AK5: variants seen among roughly 807,000 people sequenced by gnomAD.
AK5 encodes the protein adenylate kinase 5.
AK5 carries 27 observed loss-of-function variants against 69.5 expected under a neutral mutation model. That is an observed-to-expected ratio of 0.39 (90% confidence interval 0.29 to 0.54). The LOEUF (loss-of-function observed/expected upper bound fraction) is 0.54, where lower values mean the gene tolerates loss of function less well. Ranked by LOEUF, AK5 falls within the 20% of genes least tolerant of loss-of-function variation. AK5 has a pLI of 0.71. For synonymous variants in AK5, 260 were observed against 244.4 expected, an observed-to-expected ratio of 1.06 and a Z score of -0.60; for missense variants, 531 against 700.4, an observed-to-expected ratio of 0.76 and a Z score of 2.73.
chr1:77,296,574 C>G (rs1312348303), intron 3 of AK5, among the ~76,000 whole-genome samples: 1 of 151,870 alleles, frequency 6.6e-6, no homozygotes, highest in Admixed American at 6.6e-5. Context: ...TGTATAATCT[C>G]TTAGTTTGGT....
chr1:77,524,809 A>G (rs1157636416), intron 12 of AK5, among the ~76,000 whole-genome samples: 1 of 119,580 alleles, frequency 8.4e-6, no homozygotes, highest in African/African-American at 4.5e-5. Flanking sequence ...ACAAGAAGTT[A>G]TTACCTAATC....
chr1:77,289,757 G>A lies in AK5; in HGVS notation c.247+2630G>A, dbSNP rs191126108. 9.0e-4 allele frequency among the ~76,000 whole-genome samples: 137 copies of A among 151,614 alleles called. 2 individuals are homozygous for A. Among genetic ancestry groups the A allele is most frequent in the Admixed American group, 6.4e-3 (97 of 15,232 alleles). ...GTACACCTGTAGTCCCAGCTACTCG[G>A]GAGGCTGAGGCAGGAGAATGGGGTG... On this transcript the variant is annotated intron_variant, in intron 2 of 13. Coordinates refer to ENST00000354567, the MANE Select transcript of AK5 (RefSeq NM_174858.3).
intron 8 of AK5, among the ~76,000 whole-genome samples, chr1:77,446,957 A>C (rs1652791624): frequency 6.6e-6 from 1 of 152,226 alleles, no homozygotes; most frequent in South Asian, 2.1e-4. Flanking sequence ...GGAGCCGGGA[A>C]GCTGGAATGG....
rs1368161399 is a variant in AK5, at chr1:77,367,553, A to T, written c.891+26985A>T. The stretch of plus-strand genomic sequence containing the variant: ...TATGTTGCCCAGACTCATTTATGTT[A>T]TTTTTATATATATATATATATATAT... On this transcript the variant is annotated intron_variant, in intron 6 of 13. Transcript: ENST00000354567. Among the ~76,000 whole-genome samples the T allele has an allele frequency of 1.8e-3, 12 of 6,792 alleles. 1 individual carries two copies. The highest frequency in any genetic ancestry group is 0.25 in the Middle Eastern group (1 of 4). 4.5% of individuals were successfully genotyped at this position (6,792 alleles called of 152,430 possible). A position where few individuals can be genotyped will look rare whatever the true frequency, so the allele number is the denominator to read the frequency against.
chr1:77,326,107 G>A (rs560100468), intron 5 of AK5, among the ~76,000 whole-genome samples: 2 of 152,060 alleles, frequency 1.3e-5, no homozygotes, highest in Non-Finnish European at 2.9e-5. Context: ...TCAAATATTG[G>A]CTGATGATAT....
intron 13 of AK5, among the ~76,000 whole-genome samples, chr1:77,546,967 A>G (rs1264420653): frequency 6.6e-6 from 1 of 152,220 alleles, no homozygotes; most frequent in African/African-American, 2.4e-5. Context: ...GCTGGCCCAG[A>G]TGAAGTGCCA....
intron 5 of AK5, among the ~76,000 whole-genome samples, chr1:77,328,996 G>A (rs1660951398): frequency 6.6e-6 from 1 of 152,098 alleles, no homozygotes; most frequent in Non-Finnish European, 1.5e-5. Flanking sequence ...AAAGGGGGCT[G>A]AACTCCCACT....
chr1:77,315,425 A>G (rs1451239880), intron 5 of AK5, among the ~76,000 whole-genome samples: 7 of 152,170 alleles, frequency 4.6e-5, no homozygotes, highest in Admixed American at 6.5e-5. Flanking sequence ...GAAATAACCA[A>G]TAATTTTAGC....
intron 10 of AK5, among the ~76,000 whole-genome samples, chr1:77,516,861 G>A (rs1570294784): frequency 6.6e-6 from 1 of 152,114 alleles, no homozygotes; most frequent in South Asian, 2.1e-4. Context: ...CTTGAAGCCA[G>A]GAGTTCGACA....
chr1:77,391,290 T>C (rs1014751603), intron 6 of AK5, among the ~76,000 whole-genome samples: 2 of 151,582 alleles, frequency 1.3e-5, no homozygotes, highest in Non-Finnish European at 2.9e-5. Context: ...AGAAGTGAGC[T>C]CTTAGCTCTT....
chr1:77,375,923 T>A (rs924316569), intron 6 of AK5, among the ~76,000 whole-genome samples: 7 of 152,152 alleles, frequency 4.6e-5, no homozygotes, highest in Admixed American at 1.3e-4. Context: ...AATAAATAAA[T>A]CATGTTAATA....
intron 8 of AK5, among the ~76,000 whole-genome samples, chr1:77,471,282 C>T (rs1194080547): frequency 6.6e-6 from 1 of 152,132 alleles, no homozygotes; most frequent in South Asian, 2.1e-4. Context: ...GATTGAGGCA[C>T]ATCCCCTAAG....
intron 6 of AK5, among the ~76,000 whole-genome samples, chr1:77,379,347 A>G (rs957153323): frequency 6.6e-6 from 1 of 152,228 alleles, no homozygotes; most frequent in African/African-American, 2.4e-5. Flanking sequence ...CCAGAAAGGA[A>G]GAGGCTTTAG....
chr1:77,293,228 T>C (rs1409223253), intron 2 of AK5, among the ~76,000 whole-genome samples: 1 of 152,204 alleles, frequency 6.6e-6, no homozygotes, highest in Non-Finnish European at 1.5e-5. Flanking sequence ...AGCCATTCCA[T>C]TGGACCACAG....
At chr1:77,524,511 C>T (rs1658168643) in intron 12 of AK5, among the ~76,000 whole-genome samples, 1 of 152,100 alleles carries the variant, frequency 6.6e-6, no homozygotes, top group Non-Finnish European at 1.5e-5. Context: ...GAGGTGGTAT[C>T]TTATTGTGGT....
intron 8 of AK5, among the ~76,000 whole-genome samples, chr1:77,477,003 AGT>A (rs10625085): frequency 0.028 from 4,051 of 147,044 alleles, 145 homozygotes; most frequent in African/African-American, 0.09. Flanking sequence ...TGTTCTTTTT[AGT>A]GTGTGTGTGT....
chr1:77,481,117 A>C (rs929364296), intron 8 of AK5, among the ~76,000 whole-genome samples: 7 of 152,220 alleles, frequency 4.6e-5, no homozygotes, highest in African/African-American at 1.7e-4. Flanking sequence ...CCAGGTGAGC[A>C]GAGGAGAGGG....
intron 1 of AK5, among the ~76,000 whole-genome samples, chr1:77,285,897 G>A (rs1372806987): frequency 5.3e-5 from 8 of 151,920 alleles, no homozygotes; most frequent in African/African-American, 1.9e-4. Flanking sequence ...CCTACCAAAT[G>A]CCAGGGAAAG....
At chr1:77,467,775 A>G (rs973544898) in intron 8 of AK5, among the ~76,000 whole-genome samples, 3 of 152,186 alleles carry the variant, frequency 2.0e-5, no homozygotes, top group Non-Finnish European at 4.4e-5. Flanking sequence ...CAGGGGAAGG[A>G]GGAGAGGAGG....
Sources: gnomAD v4.1 joint callset for allele counts (sites outside exome capture counted in the v4.1 genomes callset) on GRCh38, gnomAD v4.1.1 for gene constraint, MANE v1.5 for transcripts, NCBI Gene and HGNC (gene_info 2026-07-23, HGNC 2026-07-21) for gene names.